The following TEX22 variants were observed in gnomAD, a reference collection of about 807,000 sequenced individuals.
TEX22 encodes the protein testis-expressed protein 22.
A neutral mutation model predicts 11.3 loss-of-function variants in TEX22; 16 were observed. The ratio of observed to expected loss-of-function variants is 1.42; its 90% CI spans 0.96 to 2.15. The LOEUF (loss-of-function observed/expected upper bound fraction) is 2.15. Among genes scored for constraint, TEX22 ranks in the 30% most tolerant of loss-of-function variants. The pLI, the probability that TEX22 is intolerant of heterozygous loss-of-function variation, is 0.00. For missense variants in TEX22, 220 were observed against 208.6 expected (o/e 1.05, Z -0.34); for synonymous variants, 97 against 92.3 (o/e 1.05, Z -0.29).
rs587719113 is a variant in TEX22, at chr14:105,402,075, A to G, written c.150+2585A>G. ...GTGGTGGGTGCCTATAATCCCAGCT[A>G]CTTGGGAGGCTGAGGCAGGAGAATT... is the stretch of plus-strand genomic sequence containing the variant. On this transcript the variant is annotated intron_variant, in intron 2 of 3. Transcript: ENST00000451127. Among the ~76,000 whole-genome samples, 18 of 152,304 alleles carry G rather than the reference A, an allele frequency of 1.2e-4. No homozygotes were observed. The South Asian group carries it at 2.7e-3, about 23-fold the overall frequency.
At chr14:105,403,203 TTTA>T (rs1213650158) in intron 2 of TEX22, among the ~76,000 whole-genome samples, 2 of 152,232 alleles carry the variant, frequency 1.3e-5, no homozygotes, top group Non-Finnish European at 2.9e-5. Context: ...AGCATAACAA[TTTA>T]TTATTCTATT....
At position 105,408,265 on chromosome 14, in the gene TEX22, C is replaced by T. The variant is rs746691784; in HGVS notation, c.151-3103C>T. Among the ~76,000 whole-genome samples the T allele has an allele frequency of 3.4e-4, 50 of 146,628 alleles. 1 individual carries two copies. Among genetic ancestry groups the T allele is most frequent in the East Asian group, 6.0e-4 (3 of 5,012 alleles). On this transcript the variant is annotated intron_variant, in intron 2 of 3. Transcript: ENST00000451127. The stretch of plus-strand genomic sequence containing the variant: ...TTCTTCCTTTTTTTTTTTTTTGAAA[C>T]GGAGTCTCACTCTATCACCAGGCTG...
intron 2 of TEX22, among the ~76,000 whole-genome samples, chr14:105,401,464 C>A (rs1181740857): frequency 6.6e-6 from 1 of 151,548 alleles, no homozygotes; most frequent in Non-Finnish European, 1.5e-5. Flanking sequence ...CCATCATTCT[C>A]AGCAAACTAT....
intron 2 of TEX22, among the ~76,000 whole-genome samples, chr14:105,403,410 A>G (rs1555418622): frequency 6.6e-6 from 1 of 152,132 alleles, no homozygotes; most frequent in Non-Finnish European, 1.5e-5. Context: ...CCTGTAAGGA[A>G]TGTGCTCTAT....
intron 2 of TEX22, among the ~76,000 whole-genome samples, chr14:105,408,229 T>G (rs2081668769): frequency 6.6e-6 from 1 of 151,790 alleles, no homozygotes; most frequent in South Asian, 2.1e-4. Flanking sequence ...TGCCTCCTTT[T>G]CTTTCTTTCT....
At chr14:105,402,006 T>C (rs2081629709) in intron 2 of TEX22, among the ~76,000 whole-genome samples, 1 of 152,130 alleles carries the variant, frequency 6.6e-6, no homozygotes, top group African/African-American at 2.4e-5. Context: ...GCAAATGGGA[T>C]GAAACCCCGT....
At chr14:105,403,792 G>C (rs587688085) in intron 2 of TEX22, among the ~76,000 whole-genome samples, 1 of 152,154 alleles carries the variant, frequency 6.6e-6, no homozygotes, top group Non-Finnish European at 1.5e-5. Flanking sequence ...CAGACTTCAT[G>C]AATCTTGAAA....
At chr14:105,402,081 G>A (rs1270121358) in intron 2 of TEX22, among the ~76,000 whole-genome samples, 7 of 152,192 alleles carry the variant, frequency 4.6e-5, no homozygotes, top group African/African-American at 1.7e-4. Context: ...AGCTACTTGG[G>A]AGGCTGAGGC....
intron 2 of TEX22, among the ~76,000 whole-genome samples, chr14:105,405,778 T>C (rs1388550183): frequency 3.9e-5 from 6 of 152,244 alleles, no homozygotes; most frequent in Admixed American, 2.0e-4. Flanking sequence ...AAACAAGATA[T>C]TGCCAATATT....
intron 2 of TEX22, among the ~76,000 whole-genome samples, chr14:105,402,594 A>T (rs2081635948): frequency 6.6e-6 from 1 of 151,764 alleles, no homozygotes; most frequent in South Asian, 2.1e-4. Context: ...CTCTACTAAA[A>T]AATACAAAAA....
chr14:105,411,663 G>T lies in TEX22; in HGVS notation c.283G>T (p.Val95Phe), dbSNP rs782021406. 3.3e-6 allele frequency: 5 copies of T among 1,527,130 alleles called. No homozygotes were observed. The South Asian group carries it at 6.0e-5, about 18-fold the overall frequency. The allele number at this position is 1,527,130 out of a possible 1,614,324, so 94.6% of individuals were successfully genotyped here. ...CCCTGACCACCCTCGCCCGCAGGACGTCGTGCAGATGGTAGCCCAGCTGGT... is the reference window on the plus strand; with the variant it reads ...CCCTGACCACCCTCGCCCGCAGGACTTCGTGCAGATGGTAGCCCAGCTGGT... ...AAGTQLHCRDVVQMVAQLVSE... is the reference protein window; with the variant it reads ...AAGTQLHCRDFVQMVAQLVSE... Residue 95 changes from valine to phenylalanine, a missense_variant, in exon 4 of 4, where the codon GTC (valine) becomes TTC (phenylalanine). Val to Phe is a conservative substitution (Grantham distance 50, BLOSUM62 -1). Transcript: ENST00000451127.
chr14:105,403,136 ATATCGAGGTCT>A (rs1299905731), intron 2 of TEX22, among the ~76,000 whole-genome samples: 3 of 152,236 alleles, frequency 2.0e-5, no homozygotes, highest in African/African-American at 7.2e-5. Flanking sequence ...AGTTTTTCTT[ATATCGAGGTCT>A]TATCTATGTA....
At chr14:105,400,751 A>G (rs1420968272) in intron 2 of TEX22, among the ~76,000 whole-genome samples, 1 of 152,062 alleles carries the variant, frequency 6.6e-6, no homozygotes, top group Non-Finnish European at 1.5e-5. Flanking sequence ...CAGTGGGAGA[A>G]TTAGGTTGTT....
At position 105,399,316 on chromosome 14, in the gene TEX22, G is replaced by A; in HGVS notation, c.-25G>A. On this transcript the variant is annotated 5_prime_UTR_variant, in exon 2 of 4. Coordinates refer to ENST00000451127, the MANE Select transcript of TEX22 (RefSeq NM_001195082.2). ...CCTACCCCCAGATCTCAGAGGTGTG[G>A]ACAAGCAGCCTACTAGGGCTAGAGA... is the stretch of plus-strand genomic sequence containing the variant. 1 of 1,531,820 alleles carries A rather than the reference G, an allele frequency of 6.5e-7. No homozygotes were observed. The highest frequency in any genetic ancestry group is 8.7e-7 in the Non-Finnish European group (1 of 1,144,678). 94.9% of individuals were successfully genotyped at this position (1,531,820 alleles called of 1,614,324 possible). A position where few individuals can be genotyped will look rare whatever the true frequency, so the allele number is the denominator to read the frequency against.
intron 2 of TEX22, among the ~76,000 whole-genome samples, chr14:105,410,331 C>T (rs1427306680): frequency 6.6e-6 from 1 of 152,238 alleles, no homozygotes; most frequent in Non-Finnish European, 1.5e-5. Flanking sequence ...CTCGCCTCGG[C>T]CTCCCAAAAT....
In TEX22 at chr14:105,411,831, T is replaced by G. The variant is rs2081695552; in HGVS notation, c.451T>G (p.Ter151GluextTer87). ...TFEASRSPPS[*>E] ...CGAGGCCTCGAGGTCACCCCCTTCC[T>G]AAGAGCCCCATTCAGCCCATTGTCT... is the stretch of plus-strand genomic sequence containing the variant. Residue 151 changes from the stop codon to glutamate (E), a stop_lost, in exon 4 of 4, where the codon TAA becomes GAA. Transcript: ENST00000451127. 4.2e-6 allele frequency: 6 copies of G among 1,416,740 alleles called. No individual in the cohort carries two copies. Among genetic ancestry groups the G allele is most frequent in the Non-Finnish European group, 5.6e-6 (6 of 1,080,344 alleles). 87.8% of individuals were successfully genotyped at this position (1,416,740 alleles called of 1,614,324 possible).
In TEX22 at chr14:105,412,014, C is replaced by G. The variant is rs2081696737; in HGVS notation, c.*181C>G. 1.2e-5 allele frequency: 7 copies of G among 573,888 alleles called. No homozygotes were observed. The South Asian group carries it at 1.9e-4, about 15-fold the overall frequency. The allele number at this position is 573,888 out of a possible 1,614,324, so 35.5% of individuals were successfully genotyped here. A position where few individuals can be genotyped will look rare whatever the true frequency, so the allele number is the denominator to read the frequency against. ...AGCTGCTGAGGCCTTGGAGACCGGGCTAGGGGCTATGGGAGGCCATCTAGG... is the reference window on the plus strand; with the variant it reads ...AGCTGCTGAGGCCTTGGAGACCGGGGTAGGGGCTATGGGAGGCCATCTAGG... On this transcript the variant is annotated 3_prime_UTR_variant, in exon 4 of 4. Transcript: ENST00000451127. This position sits in a 1 kb window ranked among gnomAD's most constrained non-coding sequence, Gnocchi z 5.8.
chr14:105,406,682 A>G (rs1555418887), intron 2 of TEX22, among the ~76,000 whole-genome samples: 1 of 152,150 alleles, frequency 6.6e-6, no homozygotes, highest in Non-Finnish European at 1.5e-5. Flanking sequence ...GTTCCTAAAA[A>G]AAAAAAAAAG....
At chr14:105,401,745 C>T (rs587729413) in intron 2 of TEX22, among the ~76,000 whole-genome samples, 36 of 151,908 alleles carry the variant, frequency 2.4e-4, no homozygotes, top group Non-Finnish European at 2.4e-4. Flanking sequence ...TAAAAAAAAC[C>T]GAAGTATAGA....
Sources: allele counts gnomAD v4.1 joint callset (sites outside exome capture counted in the v4.1 genomes callset), GRCh38; gene constraint gnomAD v4.1.1; non-coding constraint Gnocchi (gnomAD v3.1); transcripts MANE v1.5; gene names NCBI Gene and HGNC (gene_info 2026-07-23, HGNC 2026-07-21).